KCMF1: variants seen among roughly 807,000 people sequenced by gnomAD.
KCMF1 encodes E3 ubiquitin-protein ligase KCMF1.
In KCMF1, 3 loss-of-function variants were observed where a neutral mutation model predicts 41.1. That is an observed-to-expected ratio of 0.07 (90% CI 0.03 to 0.19). KCMF1 has a LOEUF of 0.19. Ranked by LOEUF, KCMF1 falls within the 10% of genes least tolerant of loss-of-function variation. KCMF1 has a pLI of 1.00. For synonymous variants in KCMF1, 142 were observed against 164.5 expected (o/e 0.86, Z 1.04); for missense variants, 286 against 488.9 (o/e 0.58, Z 3.91).
At chr2:85,022,199 C>T (rs965420400) in intron 1 of KCMF1, among the ~76,000 whole-genome samples, 4 of 152,098 alleles carry the variant, frequency 2.6e-5, no homozygotes, top group Non-Finnish European at 4.4e-5. Flanking sequence ...AGGCTGGTCT[C>T]GGTGGCTCAT....
At chr2:85,000,773 CTT>C (rs1234800307) in intron 1 of KCMF1, among the ~76,000 whole-genome samples, 58 of 118,570 alleles carry the variant, frequency 4.9e-4, no homozygotes, top group East Asian at 3.7e-3. Flanking sequence ...GATAATTTTA[CTT>C]TTTTTTTTTT....
At chr2:85,006,285 T>G (rs1203178591) in intron 1 of KCMF1, among the ~76,000 whole-genome samples, 1 of 150,524 alleles carries the variant, frequency 6.6e-6, no homozygotes, top group Non-Finnish European at 1.5e-5. Context: ...CCACTAAATA[T>G]TCTCATTTTC....
At chr2:84,986,924 A>G (rs188712217) in intron 1 of KCMF1, among the ~76,000 whole-genome samples, 24 of 152,236 alleles carry the variant, frequency 1.6e-4, no homozygotes, top group Non-Finnish European at 2.8e-4. Context: ...TAAGGTTCCA[A>G]GGGTGAAGTG....
At chr2:84,984,908 C>T (rs1283996422) in intron 1 of KCMF1, among the ~76,000 whole-genome samples, 1 of 152,036 alleles carries the variant, frequency 6.6e-6, no homozygotes, top group South Asian at 2.1e-4. Flanking sequence ...AGGATGGCCT[C>T]GAACTCTTGG....
At chr2:85,022,886 C>CTTTTTTTTTTTTTT (rs34732141) in intron 1 of KCMF1, among the ~76,000 whole-genome samples, 4 of 111,768 alleles carry the variant, frequency 3.6e-5, no homozygotes, top group Non-Finnish European at 5.2e-5. Flanking sequence ...TGTATGTATT[C>CTTTTTTTTTTTTTT]TTTTTTTTTT....
chr2:85,010,770 C>T (rs899467836), intron 1 of KCMF1, among the ~76,000 whole-genome samples: 5 of 151,798 alleles, frequency 3.3e-5, no homozygotes, highest in African/African-American at 1.2e-4. Flanking sequence ...CTGCTTCCTT[C>T]TTCTGATTTA....
chr2:85,051,518 A>G (rs745933837), intron 6 of KCMF1, among the ~76,000 whole-genome samples: 9 of 152,052 alleles, frequency 5.9e-5, no homozygotes, highest in Non-Finnish European at 8.8e-5. Context: ...AGAGCATGGT[A>G]TGAGTGACCT....
At chr2:84,990,472 A>T (rs1574009624) in intron 1 of KCMF1, among the ~76,000 whole-genome samples, 1 of 152,114 alleles carries the variant, frequency 6.6e-6, no homozygotes, top group African/African-American at 2.4e-5. Context: ...TAGAAATGAA[A>T]CATAATTTTG....
chr2:85,024,810 C>T (rs189224529), intron 1 of KCMF1, among the ~76,000 whole-genome samples: 2 of 152,186 alleles, frequency 1.3e-5, no homozygotes, highest in African/African-American at 4.8e-5. Flanking sequence ...ATCACCTGTT[C>T]AGCACCATTT....
chr2:85,047,127 A>T (rs1675687071), intron 5 of KCMF1, among the ~76,000 whole-genome samples: 1 of 152,150 alleles, frequency 6.6e-6, no homozygotes, highest in African/African-American at 2.4e-5. Flanking sequence ...CTGCAGGTAA[A>T]GGGAGACTAC....
intron 6 of KCMF1, among the ~76,000 whole-genome samples, chr2:85,049,891 C>T (rs1295721212): frequency 6.6e-6 from 1 of 152,096 alleles, no homozygotes; most frequent in Non-Finnish European, 1.5e-5. Context: ...AATCCCAGCA[C>T]CTCACACCTG....
intron 1 of KCMF1, among the ~76,000 whole-genome samples, chr2:85,026,489 A>G (rs970033163): frequency 7.0e-6 from 1 of 141,860 alleles, no homozygotes; most frequent in African/African-American, 2.8e-5. Flanking sequence ...TATTATTATT[A>G]TTATTATTTT....
chr2:85,007,969 A>G (rs554568314), intron 1 of KCMF1, among the ~76,000 whole-genome samples: 10 of 151,824 alleles, frequency 6.6e-5, no homozygotes, highest in African/African-American at 2.4e-4. Flanking sequence ...CACCATGTTG[A>G]CCAGGCTGGC....
At chr2:85,032,157 T>A (rs1364840557) in intron 2 of KCMF1, among the ~76,000 whole-genome samples, 1 of 151,728 alleles carries the variant, frequency 6.6e-6, no homozygotes, top group Non-Finnish European at 1.5e-5. Flanking sequence ...CCAAGAGTGG[T>A]TTGTTTTGTT....
At chr2:85,039,158 C>T (rs1675467752) in intron 3 of KCMF1, among the ~76,000 whole-genome samples, 1 of 152,146 alleles carries the variant, frequency 6.6e-6, no homozygotes, top group African/African-American at 2.4e-5. Flanking sequence ...AAGTGCTTAA[C>T]GGATTAGTCC....
rs769161790 is a variant in KCMF1, at chr2:84,981,424, C to T, written c.16+9957C>T. Reference sequence around the variant, plus strand: ...CAGGATGGTCTCGATCTCCTGACCTCGTGATCCACCCACCTCGGCCTCCCA... The same window carrying T: ...CAGGATGGTCTCGATCTCCTGACCTTGTGATCCACCCACCTCGGCCTCCCA... On this transcript the variant is annotated intron_variant, in intron 1 of 6. Coordinates refer to ENST00000409785, the MANE Select transcript of KCMF1 (RefSeq NM_020122.5). Among the ~76,000 whole-genome samples, 15 of 151,960 alleles carry T rather than the reference C, an allele frequency of 9.9e-5. No individual in the cohort carries two copies. In the South Asian group the frequency reaches 2.1e-3, roughly 21 times the overall value.
intron 1 of KCMF1, among the ~76,000 whole-genome samples, chr2:84,992,767 C>G (rs1471975838): frequency 6.6e-6 from 1 of 151,954 alleles, no homozygotes; most frequent in Non-Finnish European, 1.5e-5. Flanking sequence ...GTAGCTGGGA[C>G]TACAGGCGCC....
At chr2:84,996,685 C>G (rs574580382) in intron 1 of KCMF1, among the ~76,000 whole-genome samples, 1 of 152,188 alleles carries the variant, frequency 6.6e-6, no homozygotes, top group Non-Finnish European at 1.5e-5. Context: ...ATCCACCTGC[C>G]TCGGCCTCCT....
intron 3 of KCMF1, among the ~76,000 whole-genome samples, chr2:85,041,186 A>G (rs147256040): frequency 5.6e-4 from 85 of 152,274 alleles, no homozygotes; most frequent in Non-Finnish European, 9.9e-4. Context: ...GGTTGGTTTT[A>G]TATTATTTCT....
Sources: gnomAD v4.1 joint callset for allele counts (sites outside exome capture counted in the v4.1 genomes callset) on GRCh38, gnomAD v4.1.1 for gene constraint, MANE v1.5 for transcripts, NCBI Gene and HGNC (gene_info 2026-07-23, HGNC 2026-07-21) for gene names.